Variants in FREM1 observed in about 807,000 individuals in gnomAD.
FREM1 encodes the protein FRAS1-related extracellular matrix protein 1.
In FREM1, 220 loss-of-function variants were observed where a neutral mutation model predicts 210.1. The observed-to-expected ratio is 1.05, with a 90% CI of 0.94 to 1.17. The LOEUF (loss-of-function observed/expected upper bound fraction) is 1.17, where lower values mean the gene tolerates loss of function less well. FREM1 is among the 50% of genes most tolerant of loss of function. The probability of loss-of-function intolerance (pLI) is 0.00; values close to 1 mark genes in which losing one functional copy is unlikely to be tolerated. For synonymous variants in FREM1, 1,189 were observed against 980.2 expected (o/e 1.21, Z -3.98); for missense variants, 3,454 against 2,675.5 (o/e 1.29, Z -6.42).
In FREM1 at chr9:14,759,929, T is replaced by C. The variant is rs760305410; in HGVS notation, c.5205-28A>G. ...GTGTGTGAAAGGAAAAGAGAAATCA[T>C]GAGAATGCATAGTATATGCCTATAG... On this transcript the variant is annotated intron_variant, in intron 27 of 36. Coordinates refer to ENST00000380880, the MANE Select transcript of FREM1 (RefSeq NM_001379081.2). 6 of 1,595,412 alleles carry C rather than the reference T, an allele frequency of 3.8e-6. No homozygotes were observed. The South Asian group carries it at 5.7e-5, about 15-fold the overall frequency.
chr9:14,886,532 A>G (rs1051159614), intron 1 of FREM1, among the ~76,000 whole-genome samples: 5 of 152,312 alleles, frequency 3.3e-5, no homozygotes, highest in East Asian at 1.9e-4. Context: ...AAGAAAGCCA[A>G]TGAAGATTTT....
intron 10 of FREM1, among the ~76,000 whole-genome samples, chr9:14,833,818 T>C (rs974681746): frequency 2.6e-5 from 4 of 152,224 alleles, no homozygotes; most frequent in Non-Finnish European, 4.4e-5. Context: ...AACTGAGTTA[T>C]TTTTCTCCAT....
At chr9:14,860,922 T>TATATACACATATACACAC (rs1830099106) in intron 3 of FREM1, among the ~76,000 whole-genome samples, 1 of 110,990 alleles carries the variant, frequency 9.0e-6, no homozygotes, top group Non-Finnish European at 1.8e-5. Flanking sequence ...CATATACACA[T>TATATACACATATACACAC]ATATACACAT....
chr9:14,885,408 G>T (rs1250465609), intron 1 of FREM1, among the ~76,000 whole-genome samples: 1 of 151,930 alleles, frequency 6.6e-6, no homozygotes, highest in Non-Finnish European at 1.5e-5. Flanking sequence ...GTATATTTAT[G>T]ATGTACAACA....
At chr9:14,813,981 A>T (rs1038498227) in intron 15 of FREM1, among the ~76,000 whole-genome samples, 28 of 152,222 alleles carry the variant, frequency 1.8e-4, no homozygotes, top group Admixed American at 1.6e-3. Context: ...GCCTTATCCC[A>T]TGCTATGGGG....
chr9:14,744,561 T>G (rs1383812492), intron 35 of FREM1, among the ~76,000 whole-genome samples: 2 of 152,122 alleles, frequency 1.3e-5, no homozygotes, highest in Non-Finnish European at 2.9e-5. Context: ...TGTTGGACGC[T>G]TCAGTATTTT....
At chr9:14,770,833 G>A (rs751253209) in intron 25 of FREM1, 27 bp from the exon 26 acceptor site, 8 of 1,553,750 alleles carry the variant, frequency 5.1e-6, no homozygotes, top group Middle Eastern at 1.9e-4. Context: ...GACATAAAAT[G>A]TTGTCCAAAG....
chr9:14,906,616 C>T (rs1291389380), intron 1 of FREM1, among the ~76,000 whole-genome samples: 1 of 152,184 alleles, frequency 6.6e-6, no homozygotes, highest in African/African-American at 2.4e-5. Flanking sequence ...ATCTTCCTAA[C>T]TTTACTGTGG....
At chr9:14,746,499 A>C in intron 34 of FREM1, 31 bp from the exon 35 acceptor site, 1 of 1,542,266 alleles carries the variant, frequency 6.5e-7, no homozygotes, top group Non-Finnish European at 9.0e-7. Context: ...TTCATATCAT[A>C]ATGGTCTTTA....
chr9:14,834,118 G>T (rs1276819997), intron 10 of FREM1, among the ~76,000 whole-genome samples: 3 of 152,314 alleles, frequency 2.0e-5, no homozygotes, highest in East Asian at 1.9e-4. Context: ...TAACTAGGTA[G>T]AAAATACACT....
In FREM1 at chr9:14,784,432, T is replaced by G; in HGVS notation, c.4380A>C (p.Val1460=). The change falls in exon 24 of 37, where the codon GTA becomes GTC. Residue 1460 remains valine (V), a synonymous_variant. Coordinates refer to ENST00000380880, the MANE Select transcript of FREM1 (RefSeq NM_001379081.2). ...GTACATAGCAAACTGTCTGCCCCAC[T>G]ACATCCATTTGGCTGAAGTTTGTAA... ...VPITNFSQMD[V]VGQTVCYVHK... is the part of the protein sequence containing the mutation. 6.2e-7 allele frequency: 1 copy of G among 1,613,912 alleles called. No individual in the cohort carries two copies. The highest frequency in any genetic ancestry group is 8.5e-7 in the Non-Finnish European group (1 of 1,179,822).
In FREM1 at chr9:14,870,889, G is replaced by C. The variant is rs578033354; in HGVS notation, c.-267-1645C>G. ...CTCATTGTTCAATTCCCACCTATGA[G>C]TGAGAATATGCGGTGTTTGGTTTTT... is the stretch of plus-strand genomic sequence containing the variant. On this transcript the variant is annotated intron_variant, in intron 1 of 36. Transcript: ENST00000380880. Among the ~76,000 whole-genome samples the C allele has an allele frequency of 1.2e-4, 17 of 147,306 alleles. 1 individual carries two copies. The East Asian group carries it at 3.3e-3, about 28-fold the overall frequency.
In FREM1 at chr9:14,846,038, C is replaced by T. The variant is rs2779500; in HGVS notation, c.1315G>A (p.Val439Ile). The change falls in exon 8 of 37, where the codon GTT becomes ATT. Residue 439 changes from valine (V) to isoleucine (I), a missense_variant. Physicochemically the swap from Val to Ile is conservative, Grantham distance 29 (BLOSUM62 3). Transcript: ENST00000380880. ...SRAITWEQFQ[V>I]VDNDDIGAVR... Reference sequence around the variant, plus strand: ...GCACCAATGTCGTCATTGTCGACAACCTGAAACTGTTCCCAAGTGATGGCT... The same window carrying T: ...GCACCAATGTCGTCATTGTCGACAATCTGAAACTGTTCCCAAGTGATGGCT... 1.9e-6 allele frequency: 3 copies of T among 1,606,572 alleles called. No homozygotes were observed. The Admixed American group carries it at 5.1e-5, about 27-fold the overall frequency.
chr9:14,820,616 C>T (rs1821122154), intron 13 of FREM1, among the ~76,000 whole-genome samples: 1 of 152,232 alleles, frequency 6.6e-6, no homozygotes, highest in African/African-American at 2.4e-5. Context: ...CAGGCCACAG[C>T]CACCTGGGGC....
intron 15 of FREM1, 58 bp downstream of exon 15, chr9:14,816,720 G>T: frequency 3.5e-6 from 3 of 852,554 alleles, no homozygotes; most frequent in East Asian, 3.1e-5. Flanking sequence ...GTAGTATTGT[G>T]TTATGGCAGC....
intron 13 of FREM1, among the ~76,000 whole-genome samples, chr9:14,821,906 T>G (rs1821402819): frequency 6.6e-6 from 1 of 152,208 alleles, no homozygotes; most frequent in Non-Finnish European, 1.5e-5. Context: ...TCATATATTG[T>G]TTTGACCTCT....
chr9:14,820,388 G>T (rs1349579893), intron 13 of FREM1, among the ~76,000 whole-genome samples: 1 of 152,184 alleles, frequency 6.6e-6, no homozygotes, highest in East Asian at 1.9e-4. Context: ...AAGGTGCCCT[G>T]TCCATGGGAG....
Position 14,841,544 on chromosome 9 carries a change from A to C in FREM1, c.1784T>G (p.Ile595Ser), listed in dbSNP as rs374506458. 3.8e-5 allele frequency: 61 copies of C among 1,612,294 alleles called. No homozygotes were observed. Among genetic ancestry groups the C allele is most frequent in the Non-Finnish European group, 5.0e-5 (59 of 1,178,694 alleles). Residue 595 changes from isoleucine to serine, a missense_variant, in exon 10 of 37, where the codon ATC (isoleucine) becomes AGC (serine). Ile to Ser is a moderately radical substitution (Grantham distance 142). Coordinates refer to ENST00000380880, the MANE Select transcript of FREM1 (RefSeq NM_001379081.2). ...TCCACCAAAATGACGATAATAAATG[A>C]TTCCATTAAACAAATCCCTCTGAAG... ...GFLQRDLFNG[I>S]IYYRHFGGEI...
intron 1 of FREM1, among the ~76,000 whole-genome samples, chr9:14,908,826 G>A (rs1342373854): frequency 1.3e-5 from 2 of 152,158 alleles, no homozygotes; most frequent in Non-Finnish European, 2.9e-5. Flanking sequence ...CTTTGGGCCT[G>A]GGAACTGAGA....
Sources: gnomAD v4.1 joint callset for allele counts (sites outside exome capture counted in the v4.1 genomes callset) on GRCh38, gnomAD v4.1.1 for gene constraint, MANE v1.5 for transcripts, NCBI Gene and HGNC (gene_info 2026-07-23, HGNC 2026-07-21) for gene names.